The following SYNE1 variants were observed in gnomAD, a reference collection of about 807,000 sequenced individuals.
The protein encoded by SYNE1 is nesprin-1.
In SYNE1, 616 loss-of-function variants were observed where a neutral mutation model predicts 1,111.0. The observed-to-expected ratio is 0.55, with a 90% CI of 0.52 to 0.59. SYNE1 has a LOEUF of 0.59. SYNE1 is among the 20% of genes least tolerant of loss of function. The pLI is 0.00. For synonymous variants in SYNE1, 3,855 were observed against 3,825.8 expected (o/e 1.01, Z -0.28); for missense variants, 10,006 against 10,417.0 (o/e 0.96, Z 1.72).
intron 78 of SYNE1, among the ~76,000 whole-genome samples, chr6:152,329,067 T>C (rs1163138151): frequency 1.3e-5 from 2 of 152,206 alleles, no homozygotes; most frequent in Admixed American, 6.5e-5. Flanking sequence ...TAATTATTCA[T>C]GGTTAATCAG....
At chr6:152,615,042 G>T (rs2099641914) in intron 3 of SYNE1, among the ~76,000 whole-genome samples, 1 of 152,096 alleles carries the variant, frequency 6.6e-6, no homozygotes, top group East Asian at 1.9e-4. Flanking sequence ...ATGACAAGTT[G>T]ATGGGTGCAG....
At chr6:152,172,134 GA>G (rs35443038) in intron 130 of SYNE1, among the ~76,000 whole-genome samples, 1 of 152,146 alleles carries the variant, frequency 6.6e-6, no homozygotes, top group Non-Finnish European at 1.5e-5. Context: ...TGTAGAAACA[GA>G]AAGTAGATTA....
chr6:152,447,800 A>C (rs1265207620), intron 28 of SYNE1, among the ~76,000 whole-genome samples, 178 bp from the exon 29 acceptor site: 3 of 152,248 alleles, frequency 2.0e-5, no homozygotes, highest in Non-Finnish European at 4.4e-5. Flanking sequence ...AAAGTCCACA[A>C]GTGCTTGAAA....
At chr6:152,388,185 G>C (rs548214780) in intron 53 of SYNE1, among the ~76,000 whole-genome samples, 146 of 151,754 alleles carry the variant, frequency 9.6e-4, no homozygotes, top group African/African-American at 3.3e-3. Flanking sequence ...TGATCCATTG[G>C]AACCTCATCA....
intron 18 of SYNE1, among the ~76,000 whole-genome samples, chr6:152,463,935 GA>G (rs1358831307): frequency 1.3e-5 from 2 of 152,140 alleles, no homozygotes; most frequent in African/African-American, 4.8e-5. Flanking sequence ...GATGGGGTAT[GA>G]GTACAATTTT....
chr6:152,274,654 T>A (rs1360628101), intron 98 of SYNE1, among the ~76,000 whole-genome samples: 1 of 152,202 alleles, frequency 6.6e-6, no homozygotes, highest in African/African-American at 2.4e-5. Flanking sequence ...TGGAGTGCAA[T>A]GGCGTGATCT....
At chr6:152,500,951 A>C (rs2099026639) in intron 10 of SYNE1, among the ~76,000 whole-genome samples, 1 of 105,896 alleles carries the variant, frequency 9.4e-6, no homozygotes, top group South Asian at 2.5e-4. Context: ...ACTCCATCTC[A>C]AAAAAAAAAA....
chr6:152,318,817 A>G (rs1563026936), intron 85 of SYNE1, 46 bp downstream of exon 85: 5 of 1,610,150 alleles, frequency 3.1e-6, no homozygotes, highest in Non-Finnish European at 4.2e-6. Context: ...GACTCCAAAA[A>G]CTATTTAATT....
At chr6:152,489,123 A>AAAATTGGG (rs1405075981) in intron 11 of SYNE1, among the ~76,000 whole-genome samples, 1 of 152,232 alleles carries the variant, frequency 6.6e-6, no homozygotes, top group Non-Finnish European at 1.5e-5. Context: ...AATGAAAAAT[A>AAAATTGGG]AAATTGGGAT....
chr6:152,509,248 C>CTTTTTTTTTTTT lies in SYNE1; in HGVS notation c.581+933_581+944dup, dbSNP rs11305679. Among the ~76,000 whole-genome samples, 90 of 75,402 alleles carry CTTTTTTTTTTTT rather than the reference C, an allele frequency of 1.2e-3. 1 individual carries two copies. The highest frequency in any genetic ancestry group is 2.0e-3 in the East Asian group (5 of 2,444). 49.5% of individuals were successfully genotyped at this position (75,402 alleles called of 152,430 possible). ...AGCACTCTTTTTCTTTTTTCTTTTTCTTTTTTTTTTTTTTTTTTTTGAGAT... is the reference window on the plus strand; with the variant it reads ...AGCACTCTTTTTCTTTTTTCTTTTTCTTTTTTTTTTTTTTTTTTTTTTTTTTTTTTTTGAGAT... On this transcript the variant is annotated intron_variant, in intron 8 of 145. Transcript: ENST00000367255.
chr6:152,370,298 C>A (rs2097158534), intron 59 of SYNE1, among the ~76,000 whole-genome samples: 1 of 152,080 alleles, frequency 6.6e-6, no homozygotes, highest in Non-Finnish European at 1.5e-5. Flanking sequence ...ACTGCAAGCT[C>A]CATGAGGGGA....
At chr6:152,202,346 C>CAAAAAAAAAAAAAA (rs35563822) in intron 126 of SYNE1, among the ~76,000 whole-genome samples, 60 of 47,974 alleles carry the variant, frequency 1.3e-3, no homozygotes, top group South Asian at 3.0e-3. Flanking sequence ...GACTCTGTCT[C>CAAAAAAAAAAAAAA]AAAAAAAAAA....
Position 152,450,699 on chromosome 6 carries a change from C to T in SYNE1, c.3321G>A (p.Glu1107=). The T allele has an allele frequency of 6.2e-7, 1 of 1,614,176 alleles. No individual in the cohort carries two copies. The highest frequency in any genetic ancestry group is 8.5e-7 in the Non-Finnish European group (1 of 1,180,038). The part of the protein sequence containing the change: ...TPGTCHVTLK[E]LRAAIDSTYR... ...AGGTGCTGTCAATGGCAGCTCTGAGCTCTTTGAGAGTCACGTGACAGGTTC... is the reference window on the plus strand; with the variant it reads ...AGGTGCTGTCAATGGCAGCTCTGAGTTCTTTGAGAGTCACGTGACAGGTTC... Residue 1107 remains glutamate, a synonymous_variant, in exon 27 of 146, where the codon GAG becomes GAA. Coordinates refer to ENST00000367255, the MANE Select transcript of SYNE1 (RefSeq NM_182961.4).
intron 3 of SYNE1, among the ~76,000 whole-genome samples, chr6:152,587,054 C>G (rs185651080): frequency 6.6e-6 from 1 of 152,110 alleles, no homozygotes. Flanking sequence ...GGGACCATTT[C>G]GCTTATCTTT....
At position 152,628,386 on chromosome 6, in the gene SYNE1, C is replaced by G. The variant is rs1273683059; in HGVS notation, c.-55G>C. 1.3e-6 allele frequency: 2 copies of G among 1,527,160 alleles called. No individual in the cohort carries two copies. The highest frequency in any genetic ancestry group is 1.8e-6 in the Non-Finnish European group (2 of 1,100,916). The allele number at this position is 1,527,160 out of a possible 1,614,324, so 94.6% of individuals were successfully genotyped here. On this transcript the variant is annotated 5_prime_UTR_variant, in exon 3 of 146. Coordinates refer to ENST00000367255, the MANE Select transcript of SYNE1 (RefSeq NM_182961.4). ...AAGAGACTCTTCACTGGAGGCAGCA[C>G]AGGGCTACACCACTCTAGAAAACAT...
chr6:152,562,544 G>A (rs2086538412), intron 3 of SYNE1, among the ~76,000 whole-genome samples: 1 of 152,162 alleles, frequency 6.6e-6, no homozygotes, highest in African/African-American at 2.4e-5. Flanking sequence ...TCCCACTACT[G>A]AGTATATATC....
chr6:152,520,617 A>G, intron 5 of SYNE1, 75 bp from the exon 6 acceptor site: 2 of 1,491,016 alleles, frequency 1.3e-6, no homozygotes, highest in East Asian at 2.3e-5. Context: ...ATCTATTTAA[A>G]TGGATTAAAA....
chr6:152,511,202 G>T (rs1242794820), intron 6 of SYNE1, 99 bp from the exon 7 acceptor site: 5 of 1,053,964 alleles, frequency 4.7e-6, no homozygotes, highest in South Asian at 1.3e-5. Flanking sequence ...AATAAGATTT[G>T]ATCATGCCTA....
At chr6:152,185,662 T>C (rs1198327207) in intron 128 of SYNE1, among the ~76,000 whole-genome samples, 2 of 152,254 alleles carry the variant, frequency 1.3e-5, no homozygotes, top group Admixed American at 1.3e-4. Flanking sequence ...AAAAACACTA[T>C]GTATTCCGTT....
Sources: gnomAD v4.1 joint callset for allele counts (sites outside exome capture counted in the v4.1 genomes callset) on GRCh38, gnomAD v4.1.1 for gene constraint, MANE v1.5 for transcripts, NCBI Gene and HGNC (gene_info 2026-07-23, HGNC 2026-07-21) for gene names.